Variants in TTLL7 observed in about 807,000 individuals in gnomAD.
TTLL7 encodes tubulin polyglutamylase TTLL7.
TTLL7 carries 53 observed loss-of-function variants against 120.2 expected under a neutral mutation model. The observed-to-expected ratio is 0.44, with a 90% CI of 0.35 to 0.55. TTLL7 has a LOEUF of 0.55. Among genes scored for constraint, TTLL7 ranks in the 20% least tolerant of loss-of-function variants. TTLL7 has a pLI of 0.00. For missense variants in TTLL7, 803 were observed against 1,054.7 expected, an observed-to-expected ratio of 0.76 and a Z score of 3.31; for synonymous variants, 353 against 351.7, an observed-to-expected ratio of 1.00 and a Z score of -0.04.
Position 83,907,623 on chromosome 1 carries a change from A to G in TTLL7, c.1825T>C (p.Ser609Pro). ...RRSVSCPRSI[S>P]AQSPSSGDTR... Reference sequence around the variant, plus strand: ...TCCCCACTGGAAGGTGATTGAGCAGAGATGGACCGAGGGCAGCTGACTGAA... The same window carrying G: ...TCCCCACTGGAAGGTGATTGAGCAGGGATGGACCGAGGGCAGCTGACTGAA... Residue 609 changes from serine to proline, a missense_variant, in exon 16 of 21, where the codon TCT (serine) becomes CCT (proline). This residue lies in a region of TTLL7 where 388 missense variants were observed against 450.4 expected (regional missense o/e 0.86). Coordinates refer to ENST00000260505, the MANE Select transcript of TTLL7 (RefSeq NM_024686.6). 1 of 1,613,128 alleles carries G rather than the reference A, an allele frequency of 6.2e-7. No homozygotes were observed. Among genetic ancestry groups the G allele is most frequent in the East Asian group, 2.2e-5 (1 of 44,798 alleles).
chr1:83,976,243 T>C (rs1651478630), intron 1 of TTLL7, among the ~76,000 whole-genome samples: 1 of 152,094 alleles, frequency 6.6e-6, no homozygotes, highest in Non-Finnish European at 1.5e-5. Context: ...GTTTTTATCT[T>C]ATCTTGGATT....
chr1:83,953,641 C>T (rs1649262494), intron 1 of TTLL7, among the ~76,000 whole-genome samples: 1 of 152,046 alleles, frequency 6.6e-6, no homozygotes, highest in Admixed American at 6.6e-5. Flanking sequence ...TATTTTATTT[C>T]ATTAACAAAC....
intron 20 of TTLL7, among the ~76,000 whole-genome samples, chr1:83,878,171 A>G (rs1411112413): frequency 1.3e-5 from 2 of 150,106 alleles, no homozygotes; most frequent in African/African-American, 2.4e-5. Flanking sequence ...TATAATTTCA[A>G]TCTTCTGAAA....
chr1:83,976,593 G>A (rs1266895621), intron 1 of TTLL7, among the ~76,000 whole-genome samples: 1 of 152,000 alleles, frequency 6.6e-6, no homozygotes, highest in East Asian at 1.9e-4. Flanking sequence ...TCCCACTAGA[G>A]TTACTTTAAT....
At chr1:83,879,632 T>C (rs1207232712) in intron 20 of TTLL7, among the ~76,000 whole-genome samples, 1 of 152,034 alleles carries the variant, frequency 6.6e-6, no homozygotes, top group Non-Finnish European at 1.5e-5. Flanking sequence ...CTAATGTAAC[T>C]TTTATCAGCA....
At chr1:83,881,592 G>A (rs1654478997) in intron 20 of TTLL7, among the ~76,000 whole-genome samples, 1 of 152,050 alleles carries the variant, frequency 6.6e-6, no homozygotes, top group African/African-American at 2.4e-5. Flanking sequence ...GAAATAACAG[G>A]TGCTGGAGAG....
At chr1:83,987,999 A>G (rs1652636470) in intron 1 of TTLL7, among the ~76,000 whole-genome samples, 1 of 152,192 alleles carries the variant, frequency 6.6e-6, no homozygotes, top group African/African-American at 2.4e-5. Flanking sequence ...TGAGCATAGT[A>G]CCCAATTGGT....
At chr1:83,939,627 C>T (rs950593261) in intron 7 of TTLL7, among the ~76,000 whole-genome samples, 17 of 152,232 alleles carry the variant, frequency 1.1e-4, no homozygotes, top group South Asian at 4.1e-4. Flanking sequence ...TGTTTTTCAG[C>T]GTGTAGGCTT....
chr1:83,880,945 C>T (rs1654398488), intron 20 of TTLL7, among the ~76,000 whole-genome samples: 2 of 152,108 alleles, frequency 1.3e-5, no homozygotes, highest in African/African-American at 4.8e-5. Flanking sequence ...CGCATATCTA[C>T]AACTATCCGA....
intron 7 of TTLL7, among the ~76,000 whole-genome samples, chr1:83,939,192 TAAAAG>T (rs1210537365): frequency 1.3e-5 from 2 of 152,252 alleles, no homozygotes; most frequent in Admixed American, 1.3e-4. Context: ...AAATGATACT[TAAAAG>T]AAAAAGCATA....
chr1:83,939,629 T>C (rs916942740), intron 7 of TTLL7, among the ~76,000 whole-genome samples: 3 of 152,200 alleles, frequency 2.0e-5, no homozygotes, highest in African/African-American at 7.2e-5. Context: ...TTTTTCAGCG[T>C]GTAGGCTTGA....
At chr1:83,957,152 C>T (rs1380140823) in intron 1 of TTLL7, among the ~76,000 whole-genome samples, 1 of 152,092 alleles carries the variant, frequency 6.6e-6, no homozygotes, top group Non-Finnish European at 1.5e-5. Context: ...TTTATTCTTT[C>T]CACCCCTAAA....
At position 83,890,486 on chromosome 1, in the gene TTLL7, TG is replaced by T; in HGVS notation, c.2209-6del. The T allele has an allele frequency of 6.2e-7, 1 of 1,605,486 alleles. No homozygotes were observed. The highest frequency in any genetic ancestry group is 8.5e-7 in the Non-Finnish European group (1 of 1,176,684). ...TGTTTTCACTATGTCCAAAACCTAGTGGAAAAACCAAAGTACTTACAATCTA... is the reference window on the plus strand; with the variant it reads ...TGTTTTCACTATGTCCAAAACCTAGTGAAAAACCAAAGTACTTACAATCTA... On this transcript the variant is annotated splice_polypyrimidine_tract_variant and splice_region_variant and intron_variant, in intron 18 of 20. Coordinates refer to ENST00000260505, the MANE Select transcript of TTLL7 (RefSeq NM_024686.6).
chr1:83,951,750 T>A, intron 3 of TTLL7, 95 bp downstream of exon 3: 1 of 1,355,104 alleles, frequency 7.4e-7, no homozygotes, highest in Non-Finnish European at 1.0e-6. Flanking sequence ...ATATAAAAGA[T>A]AAGTTATCTC....
At chr1:83,982,520 T>G (rs1259787732) in intron 1 of TTLL7, among the ~76,000 whole-genome samples, 1 of 152,170 alleles carries the variant, frequency 6.6e-6, no homozygotes, top group African/African-American at 2.4e-5. Context: ...TTCTAGCTGA[T>G]AGCTAAATCA....
At chr1:83,893,743 A>T (rs992904731) in intron 18 of TTLL7, among the ~76,000 whole-genome samples, 1 of 152,146 alleles carries the variant, frequency 6.6e-6, no homozygotes, top group Non-Finnish European at 1.5e-5. Flanking sequence ...AGCTTCTCAC[A>T]GGGAACTGTG....
intron 20 of TTLL7, among the ~76,000 whole-genome samples, chr1:83,882,410 TTAC>T (rs1272449985): frequency 3.6e-5 from 2 of 54,820 alleles, no homozygotes; most frequent in African/African-American, 1.9e-4. Flanking sequence ...GGTACTTTCT[TTAC>T]TCTGTGTTTC....
chr1:83,917,091 C>A (rs1182324433), intron 14 of TTLL7, among the ~76,000 whole-genome samples: 21 of 146,798 alleles, frequency 1.4e-4, no homozygotes, highest in Admixed American at 3.4e-4. Context: ...AGAGTGAGAC[C>A]CTGTTATCAA....
Position 83,865,152 on chromosome 1 carries a change from A to C in TTLL7, c.*4810T>G, listed in dbSNP as rs115908795. 1.3e-5 allele frequency: 2 copies of C among 152,166 alleles called. No homozygotes were observed. The highest frequency in any genetic ancestry group is 2.9e-5 in the Non-Finnish European group (2 of 67,920). 9.4% of individuals were successfully genotyped at this position (152,166 alleles called of 1,614,324 possible). A position where few individuals can be genotyped will look rare whatever the true frequency, so the allele number is the denominator to read the frequency against. ...AATTGCACACTGTATTGACATTTCAAGCATATTTTCTGTAACAACATTTGC... is the reference window on the plus strand; with the variant it reads ...AATTGCACACTGTATTGACATTTCACGCATATTTTCTGTAACAACATTTGC... On this transcript the variant is annotated 3_prime_UTR_variant, in exon 21 of 21. Transcript: ENST00000260505.
Sources: allele counts gnomAD v4.1 joint callset (sites outside exome capture counted in the v4.1 genomes callset), GRCh38; gene constraint gnomAD v4.1.1; regional missense constraint gnomAD v4.1.1; transcripts MANE v1.5; gene names NCBI Gene and HGNC (gene_info 2026-07-23, HGNC 2026-07-21).